The following FAM193A variants were observed in gnomAD, a reference collection of about 807,000 sequenced individuals.
The protein encoded by FAM193A is family with sequence similarity 193 member A.
A neutral mutation model predicts 126.5 loss-of-function variants in FAM193A; 22 were observed. The observed-to-expected ratio is 0.17, with a 90% confidence interval of 0.12 to 0.25. FAM193A has a LOEUF of 0.25. FAM193A is among the 10% of genes least tolerant of loss of function. The pLI is 1.00. For synonymous variants in FAM193A, 761 were observed against 646.8 expected, an observed-to-expected ratio of 1.18 and a Z score of -2.68; for missense variants, 1,675 against 1,672.8, an observed-to-expected ratio of 1.00 and a Z score of -0.02.
chr4:2,545,458 A>G (rs139544080), intron 1 of FAM193A, among the ~76,000 whole-genome samples: 387 of 151,786 alleles, frequency 2.5e-3, no homozygotes, highest in African/African-American at 8.2e-3. Context: ...TCACCATTCT[A>G]ATGGACATTT....
At chr4:2,576,751 A>G (rs1739610846) in intron 1 of FAM193A, among the ~76,000 whole-genome samples, 2 of 152,190 alleles carry the variant, frequency 1.3e-5, no homozygotes, top group Non-Finnish European at 2.9e-5. Flanking sequence ...AAACATCTAT[A>G]TATGTGTGTG....
rs1713907210 is a variant in FAM193A, at chr4:2,672,325, C to T, written c.2284C>T (p.Leu762Phe). The T allele has an allele frequency of 6.2e-7, 1 of 1,614,110 alleles. No homozygotes were observed. Among genetic ancestry groups the T allele is most frequent in the Non-Finnish European group, 8.5e-7 (1 of 1,180,048 alleles). Residue 762 changes from leucine (L) to phenylalanine (F), a missense_variant, in exon 13 of 21, where the codon CTC (leucine) becomes TTC (phenylalanine). Transcript: ENST00000637812. ...CACTGTTCCACACCTGCCACGCCCT[C>T]TCATCCACCCCACCTTGTATGCAAC... ...LHTVPHLPRP[L>F]IHPTLYATPP...
chr4:2,622,956 G>A (rs1175619972), intron 2 of FAM193A, among the ~76,000 whole-genome samples: 1 of 152,128 alleles, frequency 6.6e-6, no homozygotes, highest in East Asian at 1.9e-4. Flanking sequence ...CTGAGACCTT[G>A]GTAGGGACTT....
chr4:2,585,014 T>G (rs933617536), intron 1 of FAM193A, among the ~76,000 whole-genome samples: 3 of 152,220 alleles, frequency 2.0e-5, no homozygotes, highest in African/African-American at 7.2e-5. Context: ...GAAGCATCCA[T>G]ACTGAATACG....
In FAM193A at chr4:2,540,689, G is replaced by A. The variant is rs192883198; in HGVS notation, c.255+3519G>A. Among the ~76,000 whole-genome samples the A allele has an allele frequency of 1.6e-4, 25 of 151,746 alleles. No individual in the cohort carries two copies. The East Asian group carries it at 1.8e-3, about 11-fold the overall frequency. On this transcript the variant is annotated intron_variant, in intron 1 of 20. Transcript: ENST00000637812. Reference sequence around the variant, plus strand: ...AAAAACGAAAAAACAGGCCGAGTGCGGTGGCTCACACCTGTAATCCCAGCA... The same window carrying A: ...AAAAACGAAAAAACAGGCCGAGTGCAGTGGCTCACACCTGTAATCCCAGCA...
At chr4:2,660,651 C>T (rs186889761) in intron 10 of FAM193A, among the ~76,000 whole-genome samples, 182 of 152,298 alleles carry the variant, frequency 1.2e-3, no homozygotes, top group African/African-American at 4.1e-3. Flanking sequence ...GTTTAGTTTA[C>T]GTGTATCGTA....
At chr4:2,633,369 A>G (rs1743789557) in intron 5 of FAM193A, among the ~76,000 whole-genome samples, 1 of 152,132 alleles carries the variant, frequency 6.6e-6, no homozygotes, top group Non-Finnish European at 1.5e-5. Flanking sequence ...AGTGCACTCC[A>G]GTCTGGGCAA....
rs554398845 is a variant in FAM193A, at chr4:2,683,294, T to G, written c.2332-6212T>G. ...CTTTCAAGATTTTCTCTTTTTTTTT[T>G]TTTTGTTTTTTGTTTTTTGAGACAG... On this transcript the variant is annotated intron_variant, in intron 13 of 20. Transcript: ENST00000637812. Among the ~76,000 whole-genome samples the G allele has an allele frequency of 5.9e-5, 9 of 151,762 alleles. No homozygotes were observed. In the South Asian group the frequency reaches 8.3e-4, roughly 14 times the overall value.
At chr4:2,536,236 G>C (rs1736863316), upstream of FAM193A, among the ~76,000 whole-genome samples, 1 of 151,296 alleles carries the variant, frequency 6.6e-6, no homozygotes, top group African/African-American at 2.4e-5. Context: ...CGTGTAGTTT[G>C]CCTCGCGGGC....
At chr4:2,686,347 A>G (rs1342103654) in intron 13 of FAM193A, among the ~76,000 whole-genome samples, 1 of 152,216 alleles carries the variant, frequency 6.6e-6, no homozygotes, top group Non-Finnish European at 1.5e-5. Context: ...TTCAGCAAAC[A>G]CTTATTGAAC....
At chr4:2,712,877 C>T (rs967248453) in intron 19 of FAM193A, among the ~76,000 whole-genome samples, 1 of 151,480 alleles carries the variant, frequency 6.6e-6, no homozygotes, top group African/African-American at 2.4e-5. Context: ...CTGAGGCAGG[C>T]AGATCACCTG....
intron 2 of FAM193A, among the ~76,000 whole-genome samples, chr4:2,624,432 C>T (rs2108973824): frequency 6.6e-6 from 1 of 152,356 alleles, no homozygotes; most frequent in South Asian, 2.1e-4. Flanking sequence ...GCGTGAGCCA[C>T]TGCCCCCGGC....
chr4:2,570,979 A>G (rs1047830600), intron 1 of FAM193A, among the ~76,000 whole-genome samples: 1 of 151,942 alleles, frequency 6.6e-6, no homozygotes, highest in Non-Finnish European at 1.5e-5. Flanking sequence ...GGGTTCACAC[A>G]CTCAGTTTCG....
intron 1 of FAM193A, among the ~76,000 whole-genome samples, chr4:2,539,923 A>C (rs912281109): frequency 2.6e-5 from 4 of 151,596 alleles, no homozygotes; most frequent in African/African-American, 9.7e-5. Flanking sequence ...ACAGATGATG[A>C]AACCCCAGAG....
At chr4:2,576,089 G>T (rs1248223407) in intron 1 of FAM193A, among the ~76,000 whole-genome samples, 1 of 151,900 alleles carries the variant, frequency 6.6e-6, no homozygotes, top group Non-Finnish European at 1.5e-5. Context: ...CACATACCCA[G>T]TTATTTATTT....
rs543449175 is a variant in FAM193A, at chr4:2,693,182, C to T, written c.2804-404C>T. On this transcript the variant is annotated intron_variant, in intron 15 of 20. Transcript: ENST00000637812. Reference sequence around the variant, plus strand: ...TACAGGTATGTGCCACCACGCCCAGCTAATTTTTTGTATTTCTAGTAGAGA... The same window carrying T: ...TACAGGTATGTGCCACCACGCCCAGTTAATTTTTTGTATTTCTAGTAGAGA... Among the ~76,000 whole-genome samples, 26 of 152,224 alleles carry T rather than the reference C, an allele frequency of 1.7e-4. 1 individual carries two copies. The South Asian group carries it at 5.4e-3, about 32-fold the overall frequency.
chr4:2,661,318 G>A (rs1359824866), intron 10 of FAM193A, among the ~76,000 whole-genome samples: 1 of 152,212 alleles, frequency 6.6e-6, no homozygotes, highest in Non-Finnish European at 1.5e-5. Flanking sequence ...CCTTTTCTAA[G>A]TTGGTTAAAA....
chr4:2,693,786 G>A lies in FAM193A; in HGVS notation c.3004G>A (p.Gly1002Arg). The change falls in exon 16 of 21, where the codon GGG becomes AGG. Residue 1002 changes from glycine to arginine, a missense_variant. By Grantham distance (125) the Gly-to-Arg change is moderately radical. Around this residue, in one of 4 missense-constraint regions of FAM193A, gnomAD observed 1,186 missense variants for 1,109.2 expected, o/e 1.07. Coordinates refer to ENST00000637812, the MANE Select transcript of FAM193A (RefSeq NM_001366318.2). Reference protein sequence around the residue: ...SFPKTATTTPGFVDTRKSFCP... With the variant: ...SFPKTATTTPRFVDTRKSFCP... The stretch of plus-strand genomic sequence containing the variant: ...CCCCAAAACAGCAACCACAACTCCT[G>A]GGTTTGTGGACACACGCAAGAGTTT... 6.2e-7 allele frequency: 1 copy of A among 1,614,188 alleles called. No homozygotes were observed. The highest frequency in any genetic ancestry group is 1.1e-5 in the South Asian group (1 of 91,072).
chr4:2,536,746 C>T lies in FAM193A; in HGVS notation c.-170C>T, dbSNP rs1408612815. ...GTTCCTCCCGCCCAGCGGCCTGCCC[C>T]GCAGCTCCCGCCCGCCCCAGCCCTC... On this transcript the variant is annotated 5_prime_UTR_variant, in exon 1 of 21. Coordinates refer to ENST00000637812, the MANE Select transcript of FAM193A (RefSeq NM_001366318.2). 6.7e-6 allele frequency: 1 copy of T among 150,364 alleles called. No individual in the cohort carries two copies. Among genetic ancestry groups the T allele is most frequent in the Non-Finnish European group, 1.5e-5 (1 of 67,228 alleles). The allele number at this position is 150,364 out of a possible 1,614,324, so 9.3% of individuals were successfully genotyped here.
Sources: allele counts gnomAD v4.1 joint callset (sites outside exome capture counted in the v4.1 genomes callset), GRCh38; gene constraint gnomAD v4.1.1; regional missense constraint gnomAD v4.1.1; transcripts MANE v1.5; gene names NCBI Gene and HGNC (gene_info 2026-07-23, HGNC 2026-07-21).